Variants in AHCTF1 observed in about 807,000 individuals in gnomAD.
The protein encoded by AHCTF1 is protein ELYS.
Under a neutral mutation model 248.4 loss-of-function variants are expected in AHCTF1, and 24 were observed. The observed-to-expected ratio is 0.10, with a 90% CI of 0.07 to 0.14. AHCTF1 has a LOEUF of 0.14. Among genes scored for constraint, AHCTF1 ranks in the 10% least tolerant of loss-of-function variants. AHCTF1 has a pLI of 1.00. For missense variants in AHCTF1, 2,206 were observed against 2,636.2 expected, an observed-to-expected ratio of 0.84 and a Z score of 3.57; for synonymous variants, 786 against 929.8, an observed-to-expected ratio of 0.85 and a Z score of 2.81.
At chr1:246,855,509 T>G (rs1260168845) in intron 31 of AHCTF1, among the ~76,000 whole-genome samples, 3 of 152,122 alleles carry the variant, frequency 2.0e-5, no homozygotes, top group Non-Finnish European at 2.9e-5. Context: ...ATCTAAGACT[T>G]TGAATATTAG....
intron 14 of AHCTF1, among the ~76,000 whole-genome samples, chr1:246,894,437 A>G (rs1664423877): frequency 6.6e-6 from 1 of 152,010 alleles, no homozygotes; most frequent in African/African-American, 2.4e-5. Flanking sequence ...AGCCGAGCGT[A>G]GTGGCGGGCA....
chr1:246,891,800 C>A lies in AHCTF1; in HGVS notation c.1924G>T (p.Ala642Ser). 1 of 1,611,624 alleles carries A rather than the reference C, an allele frequency of 6.2e-7. No individual in the cohort carries two copies. The highest frequency in any genetic ancestry group is 8.5e-7 in the Non-Finnish European group (1 of 1,179,332). ...GTACCTCTCTCAGTGATCTCTCGGG[C>A]TTCTGATGCAAAACAGCTCAAGACT... ...NIVLSCFASE[A>S]REITERGLID... Residue 642 changes from alanine to serine, a missense_variant, in exon 15 of 36, where the codon GCC (alanine) becomes TCC (serine). By Grantham distance (99) the Ala-to-Ser change is moderately conservative. This residue lies in a region of AHCTF1 where 650 missense variants were observed against 870.8 expected (regional missense o/e 0.75). Coordinates refer to ENST00000648844, the MANE Select transcript of AHCTF1 (RefSeq NM_001323342.2).
chr1:246,852,897 T>C (rs1050492520), intron 32 of AHCTF1, among the ~76,000 whole-genome samples, 194 bp downstream of exon 32: 2 of 152,142 alleles, frequency 1.3e-5, no homozygotes, highest in Admixed American at 6.6e-5. Context: ...ACCTCCAAGG[T>C]TGATTTATTA....
At chr1:246,899,338 C>T (rs1664834240) in intron 11 of AHCTF1, 113 bp downstream of exon 11, 2 of 800,460 alleles carry the variant, frequency 2.5e-6, no homozygotes, top group African/African-American at 1.8e-5. Flanking sequence ...GCAGAAGCTA[C>T]CATTTAAGCT....
chr1:246,907,653 G>A lies in AHCTF1; in HGVS notation c.662C>T (p.Thr221Ile). 1 of 1,613,822 alleles carries A rather than the reference G, an allele frequency of 6.2e-7. No individual in the cohort carries two copies. Among genetic ancestry groups the A allele is most frequent in the Non-Finnish European group, 8.5e-7 (1 of 1,179,820 alleles). ...LCFQLVSPTG[T>I]AVSTLSYISR... The stretch of plus-strand genomic sequence containing the variant: ...TATGTAACTAAGAGTTGAAACAGCT[G>A]TTCCTGTTGGACTTACTAACTGGAA... The change falls in exon 5 of 36, where the codon ACA becomes ATA. Residue 221 changes from threonine (T) to isoleucine (I), a missense_variant. Coordinates refer to ENST00000648844, the MANE Select transcript of AHCTF1 (RefSeq NM_001323342.2).
In AHCTF1 at chr1:246,840,200, A is replaced by G. The variant is rs1659758075; in HGVS notation, c.*606T>C. On this transcript the variant is annotated 3_prime_UTR_variant, in exon 36 of 36. Coordinates refer to ENST00000648844, the MANE Select transcript of AHCTF1 (RefSeq NM_001323342.2). ...AGCCTTTAAGCTTGCCGAATAAGAG[A>G]TGCCAACATTATAGTTAACCAATAC... 1 of 152,634 alleles carries G rather than the reference A, an allele frequency of 6.6e-6. No homozygotes were observed. The highest frequency in any genetic ancestry group is 2.1e-4 in the South Asian group (1 of 4,832). The allele number at this position is 152,634 out of a possible 1,614,324, so 9.5% of individuals were successfully genotyped here.
chr1:246,913,508 TAG>T (rs1665946721), intron 3 of AHCTF1, 96 bp from the exon 4 acceptor site: 1 of 1,219,960 alleles, frequency 8.2e-7, no homozygotes, highest in South Asian at 1.6e-5. Flanking sequence ...TCAGTTATAA[TAG>T]ATTTAAGACT....
At position 246,927,172 on chromosome 1, in the gene AHCTF1, T is replaced by C. The variant is rs552052789; in HGVS notation, c.-8+4406A>G. On this transcript the variant is annotated intron_variant, in intron 1 of 35. Transcript: ENST00000648844. ...CAGCCTGGGCGACAGAGCGAGACTC[T>C]GTCTCAAAAAAAAAAAAAGAAAGAA... 4.2e-3 allele frequency among the ~76,000 whole-genome samples: 627 copies of C among 147,864 alleles called. 5 individuals are homozygous for C. The highest frequency in any genetic ancestry group is 7.0e-3 in the Non-Finnish European group (467 of 67,082).
chr1:246,863,872 AAAGT>A (rs770799337), intron 27 of AHCTF1, 48 bp downstream of exon 27: 79 of 1,564,088 alleles, frequency 5.1e-5, no homozygotes, highest in African/African-American at 1.1e-4. Context: ...TGCTACTTGA[AAAGT>A]AAGAGCCATC....
At chr1:246,868,989 C>G (rs532750301) in intron 24 of AHCTF1, among the ~76,000 whole-genome samples, 1 of 151,206 alleles carries the variant, frequency 6.6e-6, no homozygotes, top group Admixed American at 6.6e-5. Flanking sequence ...GGACTACAGG[C>G]GCCCGCCACC....
Position 246,900,139 on chromosome 1 carries a change from C to T in AHCTF1, c.1358G>A (p.Arg453Lys). The T allele has an allele frequency of 6.2e-7, 1 of 1,610,026 alleles. No homozygotes were observed. The highest frequency in any genetic ancestry group is 8.5e-7 in the Non-Finnish European group (1 of 1,179,288). Residue 453 changes from arginine to lysine, a missense_variant, in exon 10 of 36, where the codon AGA (arginine) becomes AAA (lysine). Physicochemically the swap from Arg to Lys is conservative, Grantham distance 26 (BLOSUM62 2). Coordinates refer to ENST00000648844, the MANE Select transcript of AHCTF1 (RefSeq NM_001323342.2). The stretch of plus-strand genomic sequence containing the variant: ...AGGAGGGACTCCTCTATTTAAACTT[C>T]TCTCATGTACTAATATATCCAAGAT... ...HGILDILVHE[R>K]SLNRGVPPSY...
chr1:246,867,814 G>A lies in AHCTF1; in HGVS notation c.3089-3C>T. 3.2e-6 allele frequency: 5 copies of A among 1,559,458 alleles called. No homozygotes were observed. The highest frequency in any genetic ancestry group is 4.3e-6 in the Non-Finnish European group (5 of 1,150,252). On this transcript the variant is annotated splice_polypyrimidine_tract_variant and splice_region_variant and intron_variant, in intron 24 of 35. Transcript: ENST00000648844. Reference sequence around the variant, plus strand: ...TGATAATGGTTTGGGTCTAGAAACTGTAAAATGAAGAACGCTGGAATTAAG... The same window carrying A: ...TGATAATGGTTTGGGTCTAGAAACTATAAAATGAAGAACGCTGGAATTAAG...
Position 246,913,226 on chromosome 1 carries a change from G to T in AHCTF1, c.556+6C>A. 2 of 1,585,934 alleles carry T rather than the reference G, an allele frequency of 1.3e-6. No homozygotes were observed. Among genetic ancestry groups the T allele is most frequent in the South Asian group, 2.3e-5 (2 of 87,362 alleles). On this transcript the variant is annotated splice_donor_region_variant and intron_variant, in intron 4 of 35. Coordinates refer to ENST00000648844, the MANE Select transcript of AHCTF1 (RefSeq NM_001323342.2). ...CATTTTTGGTTTCAAGTAAAGAACT[G>T]ATTACCTGATGCTTCAACTTCATTT... is the stretch of plus-strand genomic sequence containing the variant.
At chr1:246,879,424 G>A (rs771122251) in intron 21 of AHCTF1, among the ~76,000 whole-genome samples, 15 of 152,108 alleles carry the variant, frequency 9.9e-5, no homozygotes, top group Non-Finnish European at 1.5e-4. Flanking sequence ...TTCACCCTAG[G>A]ATTTTATTCT....
At chr1:246,915,373 C>A (rs1401788120) in intron 3 of AHCTF1, among the ~76,000 whole-genome samples, 1 of 152,052 alleles carries the variant, frequency 6.6e-6, no homozygotes, top group African/African-American at 2.4e-5. Context: ...AAAGGAGCCC[C>A]TCATTACAAA....
intron 1 of AHCTF1, chr1:246,931,150 G>A (rs1667326783): frequency 6.5e-7 from 1 of 1,550,122 alleles, no homozygotes; most frequent in African/African-American, 1.4e-5. Context: ...CCAAGCGCAT[G>A]TGGAACACAC....
At chr1:246,848,840 A>ACTC (rs1660479468) in intron 33 of AHCTF1, among the ~76,000 whole-genome samples, 1 of 124,976 alleles carries the variant, frequency 8.0e-6, no homozygotes, top group Non-Finnish European at 1.6e-5. Flanking sequence ...ACAGAGTGAG[A>ACTC]CTCTACCTCA....
rs1362073712 is a variant in AHCTF1 at position 246,877,152 on chromosome 1, A to T, written c.2805+6T>A. 6.8e-6 allele frequency: 11 copies of T among 1,612,716 alleles called. No individual in the cohort carries two copies. The highest frequency in any genetic ancestry group is 9.3e-6 in the Non-Finnish European group (11 of 1,179,880). On this transcript the variant is annotated splice_donor_region_variant and intron_variant, in intron 22 of 35. Transcript: ENST00000648844. ...TTCTGACAAGTTTACATCGGTAAGTAATTACCTGCTCAGTGTCTGTAAATG... is the reference window on the plus strand; with the variant it reads ...TTCTGACAAGTTTACATCGGTAAGTTATTACCTGCTCAGTGTCTGTAAATG...
intron 1 of AHCTF1, among the ~76,000 whole-genome samples, chr1:246,926,692 C>T (rs888814120): frequency 4.6e-5 from 7 of 152,026 alleles, no homozygotes; most frequent in Non-Finnish European, 1.0e-4. Flanking sequence ...CCCGTCTCTA[C>T]TAAATACAGA....
Sources: allele counts gnomAD v4.1 joint callset (sites outside exome capture counted in the v4.1 genomes callset), GRCh38; gene constraint gnomAD v4.1.1; regional missense constraint gnomAD v4.1.1; transcripts MANE v1.5; gene names NCBI Gene and HGNC (gene_info 2026-07-23, HGNC 2026-07-21).